Variants in NDST4 observed in about 807,000 individuals in gnomAD.
NDST4 encodes the protein N-deacetylase and N-sulfotransferase 4, also known as N-heparan sulfate sulfotransferase 4.
In NDST4, 63 loss-of-function variants were observed where a neutral mutation model predicts 100.8. The observed-to-expected ratio is 0.62, with a 90% confidence interval of 0.51 to 0.77. The LOEUF (loss-of-function observed/expected upper bound fraction) is 0.77, where lower values mean the gene tolerates loss of function less well. Among genes scored for constraint, NDST4 ranks in the 30% least tolerant of loss-of-function variants. The pLI is 0.00. For synonymous variants in NDST4, 377 were observed against 361.8 expected (o/e 1.04, Z -0.48); for missense variants, 943 against 1,018.4 (o/e 0.93, Z 1.01).
intron 7 of NDST4, among the ~76,000 whole-genome samples, chr4:114,855,177 G>T (rs1439205740): frequency 6.6e-6 from 1 of 151,756 alleles, no homozygotes; most frequent in Non-Finnish European, 1.5e-5. Context: ...ACATATTCTG[G>T]TTAAAAATTC....
chr4:114,948,691 C>T (rs564650257), intron 4 of NDST4, among the ~76,000 whole-genome samples: 1 of 152,144 alleles, frequency 6.6e-6, no homozygotes, highest in African/African-American at 2.4e-5. Flanking sequence ...TATTAACCAG[C>T]TTTAATTCTC....
chr4:115,111,855 T>C (rs1342112818), intron 1 of NDST4, among the ~76,000 whole-genome samples: 2 of 151,886 alleles, frequency 1.3e-5, no homozygotes, highest in Non-Finnish European at 2.9e-5. Context: ...GAGATGTCTA[T>C]CAATGTAAAC....
At chr4:114,860,061 T>C (rs1560782690) in intron 7 of NDST4, among the ~76,000 whole-genome samples, 1 of 152,222 alleles carries the variant, frequency 6.6e-6, no homozygotes, top group African/African-American at 2.4e-5. Context: ...TAATGTATAA[T>C]GACAACCATA....
intron 12 of NDST4, 132 bp from the exon 13 acceptor site, chr4:114,830,024 A>T: frequency 1.5e-6 from 1 of 663,644 alleles, no homozygotes; most frequent in Non-Finnish European, 2.6e-6. Flanking sequence ...ACAGATATTT[A>T]TTTAGCTGAT....
At chr4:115,048,846 C>A (rs965423627) in intron 2 of NDST4, among the ~76,000 whole-genome samples, 1 of 151,810 alleles carries the variant, frequency 6.6e-6, no homozygotes, top group Non-Finnish European at 1.5e-5. Flanking sequence ...AACATGTTGG[C>A]CAGGCTGGTC....
intron 6 of NDST4, among the ~76,000 whole-genome samples, chr4:114,876,938 G>C (rs1228214384): frequency 6.6e-6 from 1 of 152,170 alleles, no homozygotes; most frequent in African/African-American, 2.4e-5. Context: ...TGAGGATCAA[G>C]GGTTTCAGGT....
intron 11 of NDST4, among the ~76,000 whole-genome samples, chr4:114,834,721 C>G (rs1325479396): frequency 6.6e-6 from 1 of 151,992 alleles, no homozygotes; most frequent in African/African-American, 2.4e-5. Context: ...TGGTAGAATT[C>G]GGCTGTGAAG....
At chr4:115,019,180 A>T (rs973526727) in intron 2 of NDST4, among the ~76,000 whole-genome samples, 1 of 152,106 alleles carries the variant, frequency 6.6e-6, no homozygotes, top group East Asian at 1.9e-4. Context: ...TATTGTAAAC[A>T]TGTTATGGCA....
Position 114,970,630 on chromosome 4 carries a change from T to C in NDST4, c.1067-46A>G, listed in dbSNP as rs1726492216. The C allele has an allele frequency of 2.0e-6, 3 of 1,528,124 alleles. No homozygotes were observed. In the East Asian group the frequency reaches 7.0e-5, roughly 36 times the overall value. The allele number at this position is 1,528,124 out of a possible 1,614,324, so 94.7% of individuals were successfully genotyped here. A position where few individuals can be genotyped will look rare whatever the true frequency, so the allele number is the denominator to read the frequency against. On this transcript the variant is annotated intron_variant, in intron 3 of 13. Coordinates refer to ENST00000264363, the MANE Select transcript of NDST4 (RefSeq NM_022569.3). ...AATAACTTTAGTGAAAATTTCTTACTATCTTAAAGGTTATTTTTGTCAGAT... is the reference window on the plus strand; with the variant it reads ...AATAACTTTAGTGAAAATTTCTTACCATCTTAAAGGTTATTTTTGTCAGAT...
At chr4:114,853,271 A>T (rs1338001807) in intron 7 of NDST4, among the ~76,000 whole-genome samples, 1 of 151,836 alleles carries the variant, frequency 6.6e-6, no homozygotes, top group African/African-American at 2.4e-5. Context: ...TCATGTTTTG[A>T]TTCAAATATT....
Position 114,878,617 on chromosome 4 carries a change from T to C in NDST4, c.1537-7667A>G, listed in dbSNP as rs144759088. On this transcript the variant is annotated intron_variant, in intron 6 of 13. Transcript: ENST00000264363. ...CTACGCTTGAGCACTGGCTCTTCAT[T>C]AGTGTATCAATTAACTTCTCTGAAT... Among the ~76,000 whole-genome samples, 1,246 of 152,268 alleles carry C rather than the reference T, an allele frequency of 8.2e-3. 92 individuals are homozygous for C. The South Asian group carries it at 0.18, about 22-fold the overall frequency.
chr4:114,977,371 G>A (rs1726662800), intron 2 of NDST4, 97 bp from the exon 3 acceptor site: 1 of 663,866 alleles, frequency 1.5e-6, no homozygotes, highest in East Asian at 2.8e-5. Flanking sequence ...AAAACAAAAT[G>A]ATATGAGCTT....
chr4:115,037,466 C>A (rs965306505), intron 2 of NDST4, among the ~76,000 whole-genome samples: 4 of 152,080 alleles, frequency 2.6e-5, no homozygotes, highest in Non-Finnish European at 5.9e-5. Flanking sequence ...AATTTTATCT[C>A]TTGACATTTC....
At chr4:114,912,993 C>T (rs1725094326) in intron 6 of NDST4, among the ~76,000 whole-genome samples, 1 of 151,894 alleles carries the variant, frequency 6.6e-6, no homozygotes, top group Non-Finnish European at 1.5e-5. Flanking sequence ...AATGTTATAT[C>T]AAGAGATCCT....
At chr4:114,961,537 A>G (rs1012388420) in intron 4 of NDST4, among the ~76,000 whole-genome samples, 1 of 152,016 alleles carries the variant, frequency 6.6e-6, no homozygotes, top group African/African-American at 2.4e-5. Flanking sequence ...ACAAATAATA[A>G]CTGCCATGAG....
At chr4:114,854,457 C>T (rs1723747343) in intron 7 of NDST4, among the ~76,000 whole-genome samples, 1 of 152,060 alleles carries the variant, frequency 6.6e-6, no homozygotes, top group African/African-American at 2.4e-5. Context: ...GGTATCTCTT[C>T]AATATACTGA....
At chr4:115,101,858 G>C (rs911126702) in intron 1 of NDST4, among the ~76,000 whole-genome samples, 4 of 152,178 alleles carry the variant, frequency 2.6e-5, no homozygotes, top group African/African-American at 2.4e-5. Flanking sequence ...ATTTCAGAGA[G>C]AGTGGAGATT....
intron 2 of NDST4, among the ~76,000 whole-genome samples, chr4:115,017,608 C>T (rs1432674591): frequency 4.6e-5 from 7 of 151,958 alleles, no homozygotes; most frequent in Non-Finnish European, 8.8e-5. Context: ...TTTTCCTTTG[C>T]CATAGAATTC....
In NDST4 at chr4:114,845,894, A is replaced by G. The variant is rs758942042; in HGVS notation, c.2044T>C (p.Ser682Pro). The change falls in exon 10 of 14, where the codon TCT becomes CCT. Residue 682 changes from serine (S) to proline (P), a missense_variant. This residue lies in a region of NDST4 where 526 missense variants were observed against 634.1 expected (regional missense o/e 0.83). Coordinates refer to ENST00000264363, the MANE Select transcript of NDST4 (RefSeq NM_022569.3). ...HSEEAPRRAA[S>P]LVPKAKIITI... Reference sequence around the variant, plus strand: ...ATGATCTTGGCTTTGGGGACAAGAGATGCGGCTCGTCTTGGAGCTTCTTCC... The same window carrying G: ...ATGATCTTGGCTTTGGGGACAAGAGGTGCGGCTCGTCTTGGAGCTTCTTCC... 5 of 1,613,988 alleles carry G rather than the reference A, an allele frequency of 3.1e-6. No homozygotes were observed. The highest frequency in any genetic ancestry group is 4.2e-6 in the Non-Finnish European group (5 of 1,179,986).
Sources: allele counts gnomAD v4.1 joint callset (sites outside exome capture counted in the v4.1 genomes callset), GRCh38; gene constraint gnomAD v4.1.1; regional missense constraint gnomAD v4.1.1; transcripts MANE v1.5; gene names NCBI Gene and HGNC (gene_info 2026-07-23, HGNC 2026-07-21).